Variants in MYRIP observed in about 807,000 individuals in gnomAD.
MYRIP encodes the protein rab effector MyRIP.
A neutral mutation model predicts 98.0 loss-of-function variants in MYRIP; 49 were observed. The ratio of observed to expected loss-of-function variants is 0.50; its 90% confidence interval spans 0.40 to 0.63. The LOEUF (loss-of-function observed/expected upper bound fraction) is 0.63, where lower values mean the gene tolerates loss of function less well. MYRIP is among the 30% of genes least tolerant of loss of function. The probability of loss-of-function intolerance (pLI) is 0.00; values close to 1 mark genes in which losing one functional copy is unlikely to be tolerated. For synonymous variants in MYRIP, 404 were observed against 409.5 expected, an observed-to-expected ratio of 0.99 and a Z score of 0.16; for missense variants, 1,004 against 1,058.2, an observed-to-expected ratio of 0.95 and a Z score of 0.71.
chr3:40,244,107 T>C (rs891084481), intron 12 of MYRIP, among the ~76,000 whole-genome samples: 1 of 152,188 alleles, frequency 6.6e-6, no homozygotes, highest in Non-Finnish European at 1.5e-5. Flanking sequence ...ATGAGTCTCT[T>C]TGTTTCTTCT....
chr3:39,896,527 A>G (rs964629287), intron 1 of MYRIP, among the ~76,000 whole-genome samples: 4 of 152,154 alleles, frequency 2.6e-5, no homozygotes, highest in Non-Finnish European at 4.4e-5. Context: ...TTTATCCCCC[A>G]TGCCTTAAAT....
At chr3:40,192,354 T>TCATATATATATATGTCA (rs1437789781) in intron 10 of MYRIP, among the ~76,000 whole-genome samples, 1 of 34,882 alleles carries the variant, frequency 2.9e-5, no homozygotes, top group African/African-American at 1.0e-4. Context: ...ATATATATAT[T>TCATATATATATATGTCA]TATATTTATT....
chr3:40,086,246 T>C (rs1217049917), intron 3 of MYRIP, among the ~76,000 whole-genome samples: 2 of 152,218 alleles, frequency 1.3e-5, no homozygotes, highest in Non-Finnish European at 2.9e-5. Flanking sequence ...CCAGACTCCA[T>C]GACAATAACT....
At chr3:39,906,077 G>A (rs1943871434) in intron 2 of MYRIP, among the ~76,000 whole-genome samples, 2 of 151,968 alleles carry the variant, frequency 1.3e-5, no homozygotes, top group Non-Finnish European at 2.9e-5. Flanking sequence ...ATATGGGTAT[G>A]AGTCCTTCTA....
chr3:40,253,231 CA>C (rs1953437913), intron 16 of MYRIP, among the ~76,000 whole-genome samples: 1 of 152,094 alleles, frequency 6.6e-6, no homozygotes, highest in Admixed American at 6.6e-5. Context: ...GCTTGTTTAC[CA>C]AAAACATCAC....
chr3:39,842,203 A>G (rs896088852), intron 1 of MYRIP, among the ~76,000 whole-genome samples: 12 of 152,094 alleles, frequency 7.9e-5, no homozygotes, highest in Non-Finnish European at 1.5e-4. Context: ...GGGCTTTGCT[A>G]TGCTGTGGTG....
At chr3:40,188,594 A>G (rs1951103549) in intron 9 of MYRIP, among the ~76,000 whole-genome samples, 1 of 152,136 alleles carries the variant, frequency 6.6e-6, no homozygotes. Flanking sequence ...CCTGACCAAC[A>G]TGGTTAAACC....
chr3:39,934,150 C>T (rs1944605058), intron 2 of MYRIP, among the ~76,000 whole-genome samples: 1 of 152,100 alleles, frequency 6.6e-6, no homozygotes, highest in Non-Finnish European at 1.5e-5. Flanking sequence ...GTACTTAGTT[C>T]CTTTGTCTTC....
intron 3 of MYRIP, among the ~76,000 whole-genome samples, chr3:40,131,356 AT>A (rs1318071198): frequency 6.6e-6 from 1 of 152,240 alleles, no homozygotes; most frequent in Non-Finnish European, 1.5e-5. Flanking sequence ...TCACGGATGC[AT>A]TCCTGCTATA....
At chr3:40,103,845 G>T (rs1190117796) in intron 3 of MYRIP, among the ~76,000 whole-genome samples, 4 of 152,022 alleles carry the variant, frequency 2.6e-5, no homozygotes, top group African/African-American at 9.7e-5. Flanking sequence ...ATATAAAATA[G>T]GGTTATTAAG....
chr3:39,809,305 T>C (rs372820239), upstream of MYRIP, among the ~76,000 whole-genome samples: 302 of 151,422 alleles, frequency 2.0e-3, 11 homozygotes, highest in East Asian at 0.046. Flanking sequence ...GCCCCAATAC[T>C]GCACTGCGCC....
At chr3:40,179,627 C>T (rs192708106) in intron 8 of MYRIP, among the ~76,000 whole-genome samples, 1 of 152,276 alleles carries the variant, frequency 6.6e-6, no homozygotes, top group East Asian at 1.9e-4. Flanking sequence ...TGCAATAATA[C>T]TGCATCTGGC....
chr3:40,079,906 G>A (rs1948437282), intron 3 of MYRIP, among the ~76,000 whole-genome samples: 1 of 152,108 alleles, frequency 6.6e-6, no homozygotes, highest in Admixed American at 6.6e-5. Flanking sequence ...ATTTTTCAAG[G>A]TTTTCTAAGA....
chr3:40,177,680 A>G (rs141233272), intron 8 of MYRIP, among the ~76,000 whole-genome samples: 199 of 152,314 alleles, frequency 1.3e-3, no homozygotes, highest in African/African-American at 3.4e-3. Context: ...TTAAGACGCA[A>G]TATCCTAGAA....
intron 2 of MYRIP, among the ~76,000 whole-genome samples, chr3:39,956,341 G>A (rs188007355): frequency 3.9e-5 from 6 of 152,320 alleles, no homozygotes; most frequent in Admixed American, 1.3e-4. Flanking sequence ...TCAGACCACA[G>A]TGCAATAAAA....
chr3:40,110,488 A>G (rs1949136032), intron 3 of MYRIP, among the ~76,000 whole-genome samples: 1 of 152,252 alleles, frequency 6.6e-6, no homozygotes, highest in Non-Finnish European at 1.5e-5. Context: ...AACCTCAAAG[A>G]TGCTCAAGAC....
Position 40,170,015 on chromosome 3 carries a change from C to G in MYRIP, c.795C>G (p.Pro265=), listed in dbSNP as rs1950579613. 2 of 1,614,072 alleles carry G rather than the reference C, an allele frequency of 1.2e-6. No homozygotes were observed. Among genetic ancestry groups the G allele is most frequent in the South Asian group, 2.2e-5 (2 of 91,086 alleles). ...QVEEEPGWPH[P]QSCSTKVADE... ...AAGAAGAGCCAGGATGGCCACATCC[C>G]CAGAGTTGCAGCACAAAGGTGGCAG... The change falls in exon 8 of 17, where the codon CCC becomes CCG. Residue 265 remains proline, a synonymous_variant. Transcript: ENST00000302541.
intron 3 of MYRIP, among the ~76,000 whole-genome samples, chr3:40,099,412 C>A (rs1948896936): frequency 6.6e-6 from 1 of 151,982 alleles, no homozygotes; most frequent in African/African-American, 2.4e-5. Context: ...ATTTATGAAA[C>A]CAGGGTGAAG....
intron 3 of MYRIP, among the ~76,000 whole-genome samples, chr3:40,076,749 G>GA (rs35034823): frequency 6.6e-6 from 1 of 151,930 alleles, no homozygotes; most frequent in Non-Finnish European, 1.5e-5. Flanking sequence ...TCTGTTTCTA[G>GA]AAAAAAGGGG....
Sources: allele counts gnomAD v4.1 joint callset (sites outside exome capture counted in the v4.1 genomes callset), GRCh38; gene constraint gnomAD v4.1.1; transcripts MANE v1.5; gene names NCBI Gene and HGNC (gene_info 2026-07-23, HGNC 2026-07-21).